The following KCNH7 variants were observed in gnomAD, a reference collection of about 807,000 sequenced individuals.
KCNH7 encodes potassium voltage-gated channel subfamily H member 7.
In KCNH7, 49 loss-of-function variants were observed where a neutral mutation model predicts 120.8. The observed-to-expected ratio is 0.41, with a 90% CI of 0.32 to 0.51. The LOEUF (loss-of-function observed/expected upper bound fraction) is 0.51, where lower values mean the gene tolerates loss of function less well. KCNH7 is among the 20% of genes least tolerant of loss of function. The pLI, the probability that KCNH7 is intolerant of heterozygous loss-of-function variation, is 0.38. For missense variants in KCNH7, 1,097 were observed against 1,446.6 expected (o/e 0.76, Z 3.92); for synonymous variants, 547 against 516.1 (o/e 1.06, Z -0.81).
At chr2:162,445,935 G>A (rs2105554958) in intron 7 of KCNH7, 83 bp downstream of exon 7, 2 of 1,060,616 alleles carry the variant, frequency 1.9e-6, no homozygotes, top group Non-Finnish European at 2.7e-6. Flanking sequence ...AGCTTGCAAA[G>A]CAACTCTTCT....
intron 2 of KCNH7, among the ~76,000 whole-genome samples, chr2:162,748,306 G>A (rs1261949702): frequency 6.6e-6 from 1 of 152,120 alleles, no homozygotes; most frequent in African/African-American, 2.4e-5. Flanking sequence ...ATGCTACCAA[G>A]TGATATCCAG....
At chr2:162,535,941 T>C (rs1022355555) in intron 3 of KCNH7, among the ~76,000 whole-genome samples, 3 of 151,786 alleles carry the variant, frequency 2.0e-5, no homozygotes, top group East Asian at 3.9e-4. Flanking sequence ...ATAAATAATG[T>C]TAGAACAATG....
intron 2 of KCNH7, among the ~76,000 whole-genome samples, chr2:162,588,181 T>C (rs1027895252): frequency 6.6e-6 from 1 of 152,076 alleles, no homozygotes; most frequent in Non-Finnish European, 1.5e-5. Flanking sequence ...ACTACTGACC[T>C]TCACACCTCT....
At chr2:162,729,635 T>TA in intron 2 of KCNH7, among the ~76,000 whole-genome samples, 1 of 152,308 alleles carries the variant, frequency 6.6e-6, no homozygotes, top group East Asian at 1.9e-4. Flanking sequence ...TCCATGCTTT[T>TA]AAAACTAGAT....
intron 2 of KCNH7, among the ~76,000 whole-genome samples, chr2:162,799,364 A>G (rs560689508): frequency 7.2e-5 from 11 of 152,052 alleles, no homozygotes; most frequent in African/African-American, 2.4e-4. Context: ...ATATTTTACT[A>G]TCGAACTGCA....
intron 2 of KCNH7, among the ~76,000 whole-genome samples, chr2:162,651,223 T>C (rs1684554351): frequency 6.6e-6 from 1 of 152,170 alleles, no homozygotes; most frequent in Admixed American, 6.5e-5. Flanking sequence ...AAATAAAACT[T>C]TTATTTTAGG....
At chr2:162,738,834 A>C (rs915866320) in intron 2 of KCNH7, among the ~76,000 whole-genome samples, 1 of 152,204 alleles carries the variant, frequency 6.6e-6, no homozygotes, top group Admixed American at 6.5e-5. Flanking sequence ...AGAGCTCGAC[A>C]ATAAAGTTGC....
At chr2:162,723,998 T>G (rs1687423292) in intron 2 of KCNH7, among the ~76,000 whole-genome samples, 1 of 152,168 alleles carries the variant, frequency 6.6e-6, no homozygotes, top group Non-Finnish European at 1.5e-5. Context: ...ATACCTGCAG[T>G]TTATGTTGTG....
intron 2 of KCNH7, among the ~76,000 whole-genome samples, chr2:162,577,091 T>A (rs949669): frequency 0.63 from 94,329 of 149,768 alleles, 31,014 homozygotes; most frequent in African/African-American, 0.82. Context: ...AATTAAAAAA[T>A]TTTTTTTTTG....
chr2:162,485,936 G>A (rs909067966), intron 6 of KCNH7, among the ~76,000 whole-genome samples: 3 of 151,942 alleles, frequency 2.0e-5, no homozygotes, highest in African/African-American at 7.3e-5. Flanking sequence ...CAATCTCACT[G>A]AACTTTATTT....
intron 2 of KCNH7, among the ~76,000 whole-genome samples, chr2:162,812,997 T>C (rs546184042): frequency 5.1e-4 from 78 of 152,028 alleles, no homozygotes; most frequent in Middle Eastern, 3.4e-3. Flanking sequence ...ATGAAAAAAG[T>C]TGTTAAGAAT....
At chr2:162,383,208 C>T (rs1452183157) in intron 13 of KCNH7, among the ~76,000 whole-genome samples, 1 of 151,904 alleles carries the variant, frequency 6.6e-6, no homozygotes, top group Non-Finnish European at 1.5e-5. Flanking sequence ...ATTAGGTTCA[C>T]ATTATGTTGA....
At chr2:162,835,428 C>T (rs10168586) in intron 2 of KCNH7, among the ~76,000 whole-genome samples, 91,329 of 151,590 alleles carry the variant, frequency 0.6, 28,433 homozygotes, top group South Asian at 0.84. Flanking sequence ...CTATGGCACA[C>T]TACATATTTA....
chr2:162,473,188 T>G (rs1019314059), intron 6 of KCNH7, among the ~76,000 whole-genome samples: 2 of 151,858 alleles, frequency 1.3e-5, no homozygotes, highest in African/African-American at 4.8e-5. Flanking sequence ...ACCGGCACGT[T>G]GTGCACATGT....
intron 2 of KCNH7, among the ~76,000 whole-genome samples, chr2:162,545,910 C>T (rs1372986560): frequency 6.6e-6 from 1 of 152,168 alleles, no homozygotes; most frequent in Non-Finnish European, 1.5e-5. Flanking sequence ...TTGTTGACTA[C>T]CACCCATTTT....
At chr2:162,601,825 T>G (rs1363567748) in intron 2 of KCNH7, among the ~76,000 whole-genome samples, 4 of 152,224 alleles carry the variant, frequency 2.6e-5, no homozygotes, top group African/African-American at 9.6e-5. Flanking sequence ...ATTAACATTA[T>G]AAAGGATGAA....
intron 2 of KCNH7, among the ~76,000 whole-genome samples, chr2:162,652,961 C>A (rs762504358): frequency 6.6e-6 from 1 of 152,128 alleles, no homozygotes. Context: ...GCTGCAGATA[C>A]CATTGAGCGG....
intron 2 of KCNH7, among the ~76,000 whole-genome samples, chr2:162,595,144 G>A (rs1227142793): frequency 6.6e-6 from 1 of 152,010 alleles, no homozygotes; most frequent in African/African-American, 2.4e-5. Context: ...GAAGTTACTT[G>A]GTGGGGAGGC....
intron 8 of KCNH7, among the ~76,000 whole-genome samples, chr2:162,424,905 G>T (rs1173817491): frequency 6.6e-6 from 1 of 152,180 alleles, no homozygotes; most frequent in Non-Finnish European, 1.5e-5. Context: ...GGGCCACAGT[G>T]TGCCTGGATA....
Sources: gnomAD v4.1 joint callset for allele counts (sites outside exome capture counted in the v4.1 genomes callset) on GRCh38, gnomAD v4.1.1 for gene constraint, MANE v1.5 for transcripts, NCBI Gene and HGNC (gene_info 2026-07-23, HGNC 2026-07-21) for gene names.